The following SUSD5 variants were observed in gnomAD, a reference collection of about 807,000 sequenced individuals.
SUSD5 encodes sushi domain-containing protein 5.
In SUSD5, 33 loss-of-function variants were observed where a neutral mutation model predicts 29.5. That is an observed-to-expected ratio of 1.12 (90% confidence interval 0.85 to 1.49). SUSD5 has a LOEUF of 1.49. Among genes scored for constraint, SUSD5 ranks in the 40% most tolerant of loss-of-function variants. The pLI is 0.00. For missense variants in SUSD5, 776 were observed against 800.6 expected (o/e 0.97, Z 0.37); for synonymous variants, 308 against 325.3 (o/e 0.95, Z 0.57).
At chr3:33,209,184 T>C (rs1158027979) in intron 2 of SUSD5, among the ~76,000 whole-genome samples, 1 of 152,166 alleles carries the variant, frequency 6.6e-6, no homozygotes, top group Non-Finnish European at 1.5e-5. Context: ...TTAAAGACAA[T>C]CTCAGCATTT....
chr3:33,170,081 G>A (rs996692891), intron 4 of SUSD5, among the ~76,000 whole-genome samples: 5 of 152,084 alleles, frequency 3.3e-5, no homozygotes, highest in Admixed American at 1.3e-4. Context: ...ACCACGCCCA[G>A]CTAATTTTTG....
intron 1 of SUSD5, among the ~76,000 whole-genome samples, chr3:33,214,401 T>C (rs945134451): frequency 6.6e-6 from 1 of 151,470 alleles, no homozygotes; most frequent in African/African-American, 2.4e-5. Flanking sequence ...AAACGGTGTT[T>C]TACAAATATC....
chr3:33,153,452 T>C lies in SUSD5; in HGVS notation c.1180A>G (p.Arg394Gly). 1 of 1,614,090 alleles carries C rather than the reference T, an allele frequency of 6.2e-7. No individual in the cohort carries two copies. Among genetic ancestry groups the C allele is most frequent in the Non-Finnish European group, 8.5e-7 (1 of 1,179,996 alleles). Residue 394 changes from arginine (R) to glycine (G), a missense_variant, in exon 5 of 5, where the codon AGA becomes GGA. Transcript: ENST00000309558. ...TCCAGCCCTACTGACCCATCCCCTCTGTCCCCATCTTCTTCCTCTTCTGCC... is the reference window on the plus strand; with the variant it reads ...TCCAGCCCTACTGACCCATCCCCTCCGTCCCCATCTTCTTCCTCTTCTGCC... Reference protein sequence around the residue: ...TEAEEEEDGDRGDGSVGLDEN... With the variant: ...TEAEEEEDGDGGDGSVGLDEN...
intron 4 of SUSD5, among the ~76,000 whole-genome samples, chr3:33,171,032 T>C (rs769448872): frequency 1.2e-4 from 19 of 152,228 alleles, no homozygotes; most frequent in Non-Finnish European, 2.1e-4. Flanking sequence ...TGATAACTAG[T>C]ACCTATTTTT....
intron 4 of SUSD5, among the ~76,000 whole-genome samples, chr3:33,174,580 G>C (rs952405146): frequency 2.6e-5 from 4 of 152,164 alleles, no homozygotes; most frequent in Non-Finnish European, 5.9e-5. Flanking sequence ...GACTTGACCA[G>C]GTTTCCAGGG....
intron 1 of SUSD5, among the ~76,000 whole-genome samples, chr3:33,217,249 T>C (rs1019267122): frequency 1.3e-5 from 2 of 152,240 alleles, no homozygotes; most frequent in Non-Finnish European, 2.9e-5. Flanking sequence ...CAATTTATTC[T>C]ACTTGCATTC....
intron 3 of SUSD5, among the ~76,000 whole-genome samples, chr3:33,181,050 A>AAT (rs112292881): frequency 0.15 from 22,975 of 151,280 alleles, 1,975 homozygotes; most frequent in South Asian, 0.26. Context: ...AAAGAAAGAA[A>AAT]ATGTTTGTAC....
chr3:33,158,266 A>C (rs1381454635), intron 4 of SUSD5, among the ~76,000 whole-genome samples: 2 of 152,224 alleles, frequency 1.3e-5, no homozygotes, highest in Non-Finnish European at 2.9e-5. Context: ...ATAGTCTCTC[A>C]TAACACCCCG....
chr3:33,162,911 C>G (rs2031221686), intron 4 of SUSD5, among the ~76,000 whole-genome samples: 1 of 84,972 alleles, frequency 1.2e-5, no homozygotes, highest in African/African-American at 4.0e-5. Flanking sequence ...GAGCAAAACT[C>G]CATCTCAAAA....
rs371966473 is a variant in SUSD5, at chr3:33,184,802, T to C, written c.410-9728A>G. Among the ~76,000 whole-genome samples the C allele has an allele frequency of 5.3e-5, 8 of 152,348 alleles. No homozygotes were observed. The South Asian group carries it at 8.3e-4, about 16-fold the overall frequency. ...TCTGTTGCTATTACCCATCTGTTCTTGTATGTCATCTAATTCTCCCATTAA... is the reference window on the plus strand; with the variant it reads ...TCTGTTGCTATTACCCATCTGTTCTCGTATGTCATCTAATTCTCCCATTAA... On this transcript the variant is annotated intron_variant, in intron 3 of 4. Transcript: ENST00000309558.
rs1279971001 is a variant in SUSD5 at position 33,204,322 on chromosome 3, G to T, written c.409+3486C>A. ...CCAGCCTGAGCTTTTTTGTTTGTTTGTTTGTTTGTTTGTTTTTTGAGACAG... is the reference window on the plus strand; with the variant it reads ...CCAGCCTGAGCTTTTTTGTTTGTTTTTTTGTTTGTTTGTTTTTTGAGACAG... On this transcript the variant is annotated intron_variant, in intron 3 of 4. Coordinates refer to ENST00000309558, the MANE Select transcript of SUSD5 (RefSeq NM_015551.2). This position sits in a 1 kb window ranked among gnomAD's most constrained non-coding sequence, Gnocchi z 4.5. Among the ~76,000 whole-genome samples the T allele has an allele frequency of 1.3e-5, 2 of 151,684 alleles. No individual in the cohort carries two copies. Among genetic ancestry groups the T allele is most frequent in the Admixed American group, 1.3e-4 (2 of 15,228 alleles).
chr3:33,168,671 A>G, intron 4 of SUSD5: 1 of 841,618 alleles, frequency 1.2e-6, no homozygotes, highest in Non-Finnish European at 1.4e-6. Context: ...TTTTTTTGAG[A>G]CAGAATCTCA....
At chr3:33,176,986 T>C (rs2031565378) in intron 3 of SUSD5, among the ~76,000 whole-genome samples, 1 of 152,246 alleles carries the variant, frequency 6.6e-6, no homozygotes, top group Non-Finnish European at 1.5e-5. Flanking sequence ...ACTATCTTGA[T>C]TGCTGTAGCT....
At chr3:33,216,455 T>A (rs2032429606) in intron 1 of SUSD5, among the ~76,000 whole-genome samples, 1 of 152,266 alleles carries the variant, frequency 6.6e-6, no homozygotes. Context: ...AACTTTACAA[T>A]TTGGTTTAGG....
rs759054831 is a variant in SUSD5 at position 33,218,783 on chromosome 3, T to C, written c.15A>G (p.Gly5=). The C allele has an allele frequency of 2.4e-5, 35 of 1,442,572 alleles. 1 individual carries two copies. In the African/African-American group the frequency reaches 5.0e-4, roughly 21 times the overall value. 89.4% of individuals were successfully genotyped at this position (1,442,572 alleles called of 1,614,324 possible). The change falls in exon 1 of 5, where the codon GGA becomes GGG. Residue 5 remains glycine (G), a synonymous_variant. Transcript: ENST00000309558. MTAE[G]PSPPARWHRR... ...TGTGCCAACGGGCAGGCGGGCTGGG[T>C]CCCTCGGCAGTCATGGTCCGGGAGT...
At chr3:33,166,671 C>T (rs1469113057) in intron 4 of SUSD5, among the ~76,000 whole-genome samples, 1 of 152,096 alleles carries the variant, frequency 6.6e-6, no homozygotes, top group Non-Finnish European at 1.5e-5. Flanking sequence ...ATAGTAGGCA[C>T]TCCATAAATG....
intron 3 of SUSD5, among the ~76,000 whole-genome samples, chr3:33,203,741 T>C (rs1340460385): frequency 6.6e-6 from 1 of 152,196 alleles, no homozygotes; most frequent in African/African-American, 2.4e-5. Context: ...GCTGCTGAGC[T>C]TTCTGGAGGC....
At chr3:33,199,150 T>A (rs2032052634) in intron 3 of SUSD5, among the ~76,000 whole-genome samples, 1 of 152,148 alleles carries the variant, frequency 6.6e-6, no homozygotes, top group Admixed American at 6.5e-5. Flanking sequence ...CTCCCTTCAG[T>A]CTCACTGCTA....
intron 4 of SUSD5, among the ~76,000 whole-genome samples, chr3:33,164,792 C>T (rs796956722): frequency 6.6e-6 from 1 of 152,118 alleles, no homozygotes; most frequent in Non-Finnish European, 1.5e-5. Context: ...ATCAGGGAAA[C>T]TCAAATTAAG....
Sources: gnomAD v4.1 joint callset for allele counts (sites outside exome capture counted in the v4.1 genomes callset) on GRCh38, gnomAD v4.1.1 for gene constraint, Gnocchi (gnomAD v3.1) non-coding constraint, MANE v1.5 for transcripts, NCBI Gene and HGNC (gene_info 2026-07-23, HGNC 2026-07-21) for gene names.